Variants in ENPP2 observed in about 807,000 individuals in gnomAD.
ENPP2 encodes ectonucleotide pyrophosphatase/phosphodiesterase 2.
A neutral mutation model predicts 120.2 loss-of-function variants in ENPP2; 51 were observed. The observed-to-expected ratio is 0.42, with a 90% CI of 0.34 to 0.54. ENPP2 has a LOEUF of 0.54. Among genes scored for constraint, ENPP2 ranks in the 20% least tolerant of loss-of-function variants. ENPP2 has a pLI of 0.04. For missense variants in ENPP2, 920 were observed against 1,066.5 expected (o/e 0.86, Z 1.91); for synonymous variants, 365 against 366.4 (o/e 1.00, Z 0.04).
intron 1 of ENPP2, among the ~76,000 whole-genome samples, chr8:119,666,233 A>AT (rs1044911957): frequency 5.3e-5 from 8 of 151,710 alleles, no homozygotes; most frequent in South Asian, 2.1e-4. Context: ...TCCTTTTTTG[A>AT]TTTTTTTTCC....
intron 9 of ENPP2, among the ~76,000 whole-genome samples, chr8:119,606,012 G>A (rs570055481): frequency 2.6e-5 from 4 of 152,274 alleles, no homozygotes; most frequent in South Asian, 2.1e-4. Flanking sequence ...GTTGCAGTAC[G>A]GAACCATGTT....
At chr8:119,657,402 T>C (rs1206498722) in intron 1 of ENPP2, among the ~76,000 whole-genome samples, 6 of 152,226 alleles carry the variant, frequency 3.9e-5, no homozygotes, top group African/African-American at 1.4e-4. Flanking sequence ...AAATTCTTCT[T>C]ACTAAACTGA....
At chr8:119,661,233 A>G (rs776116200) in intron 1 of ENPP2, among the ~76,000 whole-genome samples, 1 of 152,164 alleles carries the variant, frequency 6.6e-6, no homozygotes, top group Non-Finnish European at 1.5e-5. Flanking sequence ...CTTAAAACCT[A>G]GATAACGGGT....
chr8:119,640,109 G>A (rs1169914324), upstream of ENPP2, among the ~76,000 whole-genome samples: 6 of 152,056 alleles, frequency 3.9e-5, no homozygotes, highest in Admixed American at 3.9e-4. Context: ...CAGTAGGCCT[G>A]GGTTTCATTA....
chr8:119,559,913 G>A (rs1019008697), intron 24 of ENPP2, among the ~76,000 whole-genome samples: 15 of 152,150 alleles, frequency 9.9e-5, no homozygotes, highest in Admixed American at 8.5e-4. Flanking sequence ...ACCCTTCAAC[G>A]AGAAGCATGC....
rs1814077124 is a variant in ENPP2, at chr8:119,562,842, T to C, written c.2421+15A>G. ...TATGGAAGCAAATCCTAAAGGACTCTCTCTGTAAACTCACATTGCAGCTCT... is the reference window on the plus strand; with the variant it reads ...TATGGAAGCAAATCCTAAAGGACTCCCTCTGTAAACTCACATTGCAGCTCT... On this transcript the variant is annotated intron_variant, in intron 24 of 24. Coordinates refer to ENST00000075322, the MANE Select transcript of ENPP2 (RefSeq NM_001040092.3). The C allele has an allele frequency of 6.2e-7, 1 of 1,611,772 alleles. No individual in the cohort carries two copies. Among genetic ancestry groups the C allele is most frequent in the African/African-American group, 1.3e-5 (1 of 74,844 alleles).
intron 19 of ENPP2, among the ~76,000 whole-genome samples, chr8:119,577,868 G>A (rs1048441003): frequency 2.0e-5 from 3 of 152,194 alleles, no homozygotes; most frequent in African/African-American, 7.2e-5. Context: ...AGCTTCAGCG[G>A]TATAAAAAGA....
intron 24 of ENPP2, among the ~76,000 whole-genome samples, chr8:119,560,760 G>T (rs1466723076): frequency 6.6e-6 from 1 of 152,128 alleles, no homozygotes; most frequent in East Asian, 1.9e-4. Context: ...AAGAGGATGG[G>T]CTCTTGGAGT....
intron 8 of ENPP2, among the ~76,000 whole-genome samples, chr8:119,609,782 G>A (rs997256013): frequency 1.3e-5 from 2 of 152,102 alleles, no homozygotes; most frequent in African/African-American, 4.8e-5. Context: ...TAGATGTACT[G>A]CCTTGCTATT....
At chr8:119,623,486 A>T (rs995791757) in intron 3 of ENPP2, among the ~76,000 whole-genome samples, 1 of 151,974 alleles carries the variant, frequency 6.6e-6, no homozygotes, top group South Asian at 2.1e-4. Context: ...AAAGAGAGAG[A>T]GATATTAGTT....
rs772358064 is a variant in ENPP2, at chr8:119,621,355, A to T, written c.418+39T>A. On this transcript the variant is annotated intron_variant, in intron 4 of 24. Transcript: ENST00000075322. ...ATCTCCTGGAGCACCTCCAGTTTTT[A>T]TTCTTTTAAAGCTCAGGCCAATCCA... 9.3e-6 allele frequency: 15 copies of T among 1,604,624 alleles called. No individual in the cohort carries two copies. The South Asian group carries it at 1.7e-4, about 18-fold the overall frequency.
intron 18 of ENPP2, among the ~76,000 whole-genome samples, chr8:119,581,804 G>A (rs1447224747): frequency 6.8e-6 from 1 of 146,474 alleles, no homozygotes; most frequent in Non-Finnish European, 1.5e-5. Context: ...CCGTCTTCCA[G>A]GCTGGAGTGT....
chr8:119,654,119 TATA>T (rs1204038800), intron 1 of ENPP2, among the ~76,000 whole-genome samples: 2 of 143,608 alleles, frequency 1.4e-5, no homozygotes, highest in Non-Finnish European at 3.0e-5. Context: ...TACAGAGATA[TATA>T]ATATTATATA....
At chr8:119,586,994 A>C (rs1200566908) in intron 14 of ENPP2, 50 bp downstream of exon 14, 13 of 1,567,142 alleles carry the variant, frequency 8.3e-6, no homozygotes, top group Non-Finnish European at 1.1e-5. Flanking sequence ...AGGCTGCTCC[A>C]GGGGCAGAGG....
chr8:119,592,236 G>T (rs764966337), intron 12 of ENPP2, among the ~76,000 whole-genome samples: 10 of 152,062 alleles, frequency 6.6e-5, no homozygotes, highest in Non-Finnish European at 1.2e-4. Context: ...ACTTTGGGAG[G>T]CCAAGGCAGG....
At chr8:119,612,511 C>A (rs1353143076) in intron 8 of ENPP2, among the ~76,000 whole-genome samples, 1 of 152,146 alleles carries the variant, frequency 6.6e-6, no homozygotes, top group Non-Finnish European at 1.5e-5. Flanking sequence ...TGCAGTCATT[C>A]ACTAAAATGG....
chr8:119,570,754 C>T lies in ENPP2; in HGVS notation c.1868G>A (p.Ser623Asn), dbSNP rs1361350089. The T allele has an allele frequency of 5.0e-6, 8 of 1,593,682 alleles. No individual in the cohort carries two copies. Among genetic ancestry groups the T allele is most frequent in the Non-Finnish European group, 6.9e-6 (8 of 1,167,526 alleles). ...CCAGAGTGGCATTAGGAATATTTCA[C>T]TATAACCACTTTCAAAGTCAGTGTG... ...LYHTDFESGY[S>N]EIFLMPLWTS... is the part of the protein sequence containing the mutation. Residue 623 changes from serine (S) to asparagine (N), a missense_variant, in exon 20 of 25, where the codon AGT becomes AAT. Transcript: ENST00000075322.
At chr8:119,573,445 A>C (rs962299167) in intron 19 of ENPP2, among the ~76,000 whole-genome samples, 1 of 150,316 alleles carries the variant, frequency 6.7e-6, no homozygotes, top group Non-Finnish European at 1.5e-5. Context: ...TTCTCCTGAA[A>C]GGTTTCCTCA....
Position 119,617,540 on chromosome 8 carries a change from A to C in ENPP2, c.503T>G (p.Ile168Ser), listed in dbSNP as rs775252310. ...PAGFVRPPLIIFSVDGFRASY... is the reference protein window; with the variant it reads ...PAGFVRPPLISFSVDGFRASY... ...TGCACGGAAGCCATCCACGGAGAAG[A>C]TGATTAATGGAGGGCGAACAAACCT... The change falls in exon 6 of 25, where the codon ATC becomes AGC. Residue 168 changes from isoleucine (I) to serine (S), a missense_variant. Coordinates refer to ENST00000075322, the MANE Select transcript of ENPP2 (RefSeq NM_001040092.3). 1 of 1,613,476 alleles carries C rather than the reference A, an allele frequency of 6.2e-7. No homozygotes were observed. Among genetic ancestry groups the C allele is most frequent in the South Asian group, 1.1e-5 (1 of 91,054 alleles).
Sources: allele counts gnomAD v4.1 joint callset (sites outside exome capture counted in the v4.1 genomes callset), GRCh38; gene constraint gnomAD v4.1.1; transcripts MANE v1.5; gene names NCBI Gene and HGNC (gene_info 2026-07-23, HGNC 2026-07-21).